Variants in SLC24A4 observed in about 807,000 individuals in gnomAD.
SLC24A4 encodes solute carrier family 24 member 4.
Under a neutral mutation model 79.0 loss-of-function variants are expected in SLC24A4, and 53 were observed. The observed-to-expected ratio is 0.67, with a 90% CI of 0.54 to 0.84. The LOEUF (loss-of-function observed/expected upper bound fraction) is 0.84, where lower values mean the gene tolerates loss of function less well. Among genes scored for constraint, SLC24A4 ranks in the 40% least tolerant of loss-of-function variants. The pLI, the probability that SLC24A4 is intolerant of heterozygous loss-of-function variation, is 0.00. For missense variants in SLC24A4, 731 were observed against 822.0 expected, an observed-to-expected ratio of 0.89 and a Z score of 1.35; for synonymous variants, 323 against 323.8, an observed-to-expected ratio of 1.00 and a Z score of 0.03.
Position 92,495,524 on chromosome 14 carries a change from C to T in SLC24A4, c.*1896C>T, listed in dbSNP as rs561938328. Reference sequence around the variant, plus strand: ...AACTTCAGCTGCAGGGATTCCAGAGCCCTCGGGACCACTCTGTCACCTTAA... The same window carrying T: ...AACTTCAGCTGCAGGGATTCCAGAGTCCTCGGGACCACTCTGTCACCTTAA... On this transcript the variant is annotated 3_prime_UTR_variant, in exon 17 of 17. Transcript: ENST00000532405. 1 of 152,252 alleles carries T rather than the reference C, an allele frequency of 6.6e-6. No individual in the cohort carries two copies. The highest frequency in any genetic ancestry group is 2.1e-4 in the South Asian group (1 of 4,814). 9.4% of individuals were successfully genotyped at this position (152,252 alleles called of 1,614,324 possible). A position where few individuals can be genotyped will look rare whatever the true frequency, so the allele number is the denominator to read the frequency against.
At chr14:92,374,287 C>A (rs1341624155) in intron 2 of SLC24A4, among the ~76,000 whole-genome samples, 1 of 152,180 alleles carries the variant, frequency 6.6e-6, no homozygotes, top group Non-Finnish European at 1.5e-5. Flanking sequence ...TGGTGTGGTT[C>A]CCACTCATTC....
intron 2 of SLC24A4, among the ~76,000 whole-genome samples, chr14:92,332,118 A>G (rs541217667): frequency 6.6e-6 from 1 of 152,062 alleles, no homozygotes; most frequent in East Asian, 1.9e-4. Context: ...CCTCTCTACT[A>G]AAAATACAAA....
intron 3 of SLC24A4, among the ~76,000 whole-genome samples, chr14:92,435,363 C>G (rs2074465690): frequency 1.3e-5 from 2 of 152,234 alleles, no homozygotes; most frequent in Admixed American, 1.3e-4. Context: ...AACACAGACA[C>G]TCCTATTCAT....
At chr14:92,443,591 T>G (rs879116090) in intron 7 of SLC24A4, 117 bp downstream of exon 7, 7 of 1,027,304 alleles carry the variant, frequency 6.8e-6, no homozygotes, top group Middle Eastern at 2.2e-4. Context: ...CACACAATAG[T>G]GGGGTGTGCC....
chr14:92,416,053 C>G (rs1890963889), intron 2 of SLC24A4, among the ~76,000 whole-genome samples: 1 of 152,072 alleles, frequency 6.6e-6, no homozygotes. Context: ...AAGCTGTAAA[C>G]TCTGTGGAGA....
chr14:92,478,112 C>T (rs1339503716), intron 12 of SLC24A4, among the ~76,000 whole-genome samples: 1 of 152,182 alleles, frequency 6.6e-6, no homozygotes, highest in Non-Finnish European at 1.5e-5. Flanking sequence ...CAGCCCCAGC[C>T]TCACTTTCTT....
intron 10 of SLC24A4, chr14:92,453,591 A>T: frequency 3.6e-6 from 1 of 279,568 alleles, no homozygotes; most frequent in Non-Finnish European, 6.6e-6. Context: ...TAACGAACTG[A>T]AAGACCCTTG....
chr14:92,436,179 G>T (rs959740224), intron 3 of SLC24A4, among the ~76,000 whole-genome samples: 1 of 152,182 alleles, frequency 6.6e-6, no homozygotes, highest in East Asian at 1.9e-4. Flanking sequence ...ATTTTACACG[G>T]TGGCAGGGAA....
rs569545451 is a variant in SLC24A4 at position 92,408,101 on chromosome 14, A to G, written c.242-25811A>G. On this transcript the variant is annotated intron_variant, in intron 2 of 16. Coordinates refer to ENST00000532405, the MANE Select transcript of SLC24A4 (RefSeq NM_153646.4). ...TGGATTCAGATAGAAATTATTTCCA[A>G]TAACTGAAAGTGCTGAATTGTCATG... is the stretch of plus-strand genomic sequence containing the variant. Among the ~76,000 whole-genome samples the G allele has an allele frequency of 1.7e-4, 25 of 149,716 alleles. 1 individual carries two copies. In the South Asian group the frequency reaches 4.1e-3, roughly 24 times the overall value.
At chr14:92,394,078 C>G (rs1889640281) in intron 2 of SLC24A4, among the ~76,000 whole-genome samples, 1 of 151,860 alleles carries the variant, frequency 6.6e-6, no homozygotes, top group Non-Finnish European at 1.5e-5. Context: ...CTCCTGGGCT[C>G]AAGTGATCCT....
intron 8 of SLC24A4, among the ~76,000 whole-genome samples, 167 bp from the exon 9 acceptor site, chr14:92,447,204 C>A (rs747346054): frequency 2.6e-5 from 4 of 152,208 alleles, no homozygotes; most frequent in South Asian, 2.1e-4. Context: ...GGTGGCAAGA[C>A]AGCCACAGGC....
At chr14:92,439,497 G>A in intron 4 of SLC24A4, 88 bp downstream of exon 4, 2 of 1,230,988 alleles carry the variant, frequency 1.6e-6, no homozygotes, top group South Asian at 2.4e-5. Context: ...GGGCTGGCGT[G>A]GGGAGCATGC....
intron 2 of SLC24A4, among the ~76,000 whole-genome samples, chr14:92,328,162 G>A (rs1207468594): frequency 6.6e-6 from 1 of 152,204 alleles, no homozygotes; most frequent in Non-Finnish European, 1.5e-5. Context: ...GGTGGGGTCT[G>A]TGGCCAGCCT....
chr14:92,402,173 T>C (rs139908468), intron 2 of SLC24A4, among the ~76,000 whole-genome samples: 4 of 152,276 alleles, frequency 2.6e-5, no homozygotes, highest in African/African-American at 7.2e-5. Flanking sequence ...GTAAGCCTCA[T>C]GTCAAAAGCA....
chr14:92,399,590 G>A (rs1470162328), intron 2 of SLC24A4, among the ~76,000 whole-genome samples: 1 of 152,154 alleles, frequency 6.6e-6, no homozygotes, highest in Non-Finnish European at 1.5e-5. Flanking sequence ...ATTGCTTTCT[G>A]GTTATGGCTG....
intron 2 of SLC24A4, among the ~76,000 whole-genome samples, chr14:92,327,780 A>G (rs914444090): frequency 2.6e-5 from 4 of 152,182 alleles, no homozygotes; most frequent in Admixed American, 6.5e-5. Flanking sequence ...TTCAATTAAC[A>G]TATAAAGCGT....
intron 2 of SLC24A4, among the ~76,000 whole-genome samples, chr14:92,381,415 A>G (rs1379002654): frequency 1.3e-5 from 2 of 152,004 alleles, no homozygotes; most frequent in African/African-American, 4.8e-5. Flanking sequence ...GGAACATCAT[A>G]CCCTGGGGCC....
intron 2 of SLC24A4, among the ~76,000 whole-genome samples, chr14:92,363,992 A>G (rs1887681500): frequency 6.6e-6 from 1 of 152,060 alleles, no homozygotes; most frequent in African/African-American, 2.4e-5. Context: ...AGATGCTTGC[A>G]GGATTGGCCA....
At chr14:92,466,484 T>C (rs12881735) in intron 12 of SLC24A4, among the ~76,000 whole-genome samples, 29,226 of 152,178 alleles carry the variant, frequency 0.19, 3,018 homozygotes, top group Non-Finnish European at 0.23. Context: ...GCTTACTGTT[T>C]ACCACAAAGC....
Sources: gnomAD v4.1 joint callset for allele counts (sites outside exome capture counted in the v4.1 genomes callset) on GRCh38, gnomAD v4.1.1 for gene constraint, MANE v1.5 for transcripts, NCBI Gene and HGNC (gene_info 2026-07-23, HGNC 2026-07-21) for gene names.